Variants in PKN2 observed in about 807,000 individuals in gnomAD.
PKN2 encodes serine/threonine-protein kinase N2.
Under a neutral mutation model 119.1 loss-of-function variants are expected in PKN2, and 38 were observed. The observed-to-expected ratio is 0.32, with a 90% confidence interval of 0.25 to 0.42. The LOEUF is 0.42. Among genes scored for constraint, PKN2 ranks in the 10% least tolerant of loss-of-function variants. PKN2 has a pLI of 1.00. For synonymous variants in PKN2, 390 were observed against 384.9 expected (o/e 1.01, Z -0.15); for missense variants, 850 against 1,165.1 (o/e 0.73, Z 3.94).
chr1:88,760,296 C>A lies in PKN2; in HGVS notation c.424C>A (p.Gln142Lys), dbSNP rs1421789734. 2 of 1,564,054 alleles carry A rather than the reference C, an allele frequency of 1.3e-6. No individual in the cohort carries two copies. ...TAGCAACAATAGATTGAAGGCCTTACAAAAACAATTGGATATAGAACTTAA... is the reference window on the plus strand; with the variant it reads ...TAGCAACAATAGATTGAAGGCCTTAAAAAAACAATTGGATATAGAACTTAA... ...STSNNRLKAL[Q>K]KQLDIELKVK... The change falls in exon 3 of 22, where the codon CAA becomes AAA. Residue 142 changes from glutamine to lysine, a missense_variant. By Grantham distance (53) the Gln-to-Lys change is moderately conservative (BLOSUM62 1). Around this residue, in one of 9 missense-constraint regions of PKN2, gnomAD observed 350 missense variants for 511.1 expected, o/e 0.68. Coordinates refer to ENST00000370521, the MANE Select transcript of PKN2 (RefSeq NM_006256.4).
intron 3 of PKN2, among the ~76,000 whole-genome samples, chr1:88,766,099 C>T (rs969708138): frequency 6.6e-6 from 1 of 152,236 alleles, no homozygotes; most frequent in Non-Finnish European, 1.5e-5. Flanking sequence ...AGGCATGAGC[C>T]ACCATCCCTG....
chr1:88,821,522 C>G (rs1672290386), intron 16 of PKN2, among the ~76,000 whole-genome samples: 1 of 152,230 alleles, frequency 6.6e-6, no homozygotes, highest in African/African-American at 2.4e-5. Flanking sequence ...ATACACCCAT[C>G]CTTTACTTCA....
chr1:88,684,812 T>A, intron 1 of PKN2, 184 bp downstream of exon 1: 1 of 527,106 alleles, frequency 1.9e-6, no homozygotes, highest in Non-Finnish European at 3.3e-6. Flanking sequence ...AGCCGGACCC[T>A]CTCCCCCGCC....
rs1669892440 is a variant in PKN2, at chr1:88,771,476, T to A, written c.678T>A (p.Phe226Leu). 2 of 1,609,650 alleles carry A rather than the reference T, an allele frequency of 1.2e-6. No individual in the cohort carries two copies. The highest frequency in any genetic ancestry group is 1.7e-6 in the Non-Finnish European group (2 of 1,178,130). The stretch of plus-strand genomic sequence containing the variant: ...GGATGGAAGAATTAAGGCATCATTT[T>A]AGGATAGAGTTTGCAGTAGCAGAAG... ...ELRMEELRHH[F>L]RIEFAVAEGA... The change falls in exon 5 of 22, where the codon TTT becomes TTA. Residue 226 changes from phenylalanine (F) to leucine (L), a missense_variant. Phe to Leu is a conservative substitution (Grantham distance 22, BLOSUM62 0). Around this residue, in one of 9 missense-constraint regions of PKN2, gnomAD observed 350 missense variants for 511.1 expected, o/e 0.68. Transcript: ENST00000370521.
At chr1:88,752,203 T>TAA (rs1262835339) in intron 2 of PKN2, among the ~76,000 whole-genome samples, 2 of 152,158 alleles carry the variant, frequency 1.3e-5, no homozygotes, top group African/African-American at 4.8e-5. Flanking sequence ...ATTTCTTGAA[T>TAA]AGTTTCTTCA....
intron 6 of PKN2, among the ~76,000 whole-genome samples, chr1:88,783,045 A>G (rs1301869015): frequency 2.0e-5 from 3 of 152,118 alleles, no homozygotes; most frequent in Non-Finnish European, 4.4e-5. Context: ...TCTTCTGGAT[A>G]TTTTCTTCAG....
intron 3 of PKN2, among the ~76,000 whole-genome samples, chr1:88,763,921 A>AT (rs1669553073): frequency 6.6e-6 from 1 of 152,186 alleles, no homozygotes; most frequent in South Asian, 2.1e-4. Flanking sequence ...GGGATGATTA[A>AT]TTCAGTTTGG....
intron 8 of PKN2, among the ~76,000 whole-genome samples, chr1:88,789,536 G>A (rs532695085): frequency 5.4e-4 from 82 of 151,920 alleles, no homozygotes; most frequent in Admixed American, 9.8e-4. Context: ...AGTGGCAGAC[G>A]CCTGTAATCC....
intron 6 of PKN2, among the ~76,000 whole-genome samples, chr1:88,773,816 T>C (rs551854133): frequency 6.6e-6 from 1 of 152,200 alleles, no homozygotes; most frequent in African/African-American, 2.4e-5. Flanking sequence ...TTTAAAGTAA[T>C]TACAGACAGG....
At chr1:88,691,555 C>G (rs1666334210) in intron 1 of PKN2, among the ~76,000 whole-genome samples, 1 of 152,166 alleles carries the variant, frequency 6.6e-6, no homozygotes. Context: ...ACCTATCTGT[C>G]TGTCAATCAT....
chr1:88,691,727 T>TCC (rs1666341078), intron 1 of PKN2, among the ~76,000 whole-genome samples: 1 of 152,166 alleles, frequency 6.6e-6, no homozygotes, highest in African/African-American at 2.4e-5. Flanking sequence ...TATATAGTAG[T>TCC]CCCTCCTTAT....
At chr1:88,829,719 A>G (rs1358493612) in intron 19 of PKN2, among the ~76,000 whole-genome samples, 1 of 152,218 alleles carries the variant, frequency 6.6e-6, no homozygotes, top group Non-Finnish European at 1.5e-5. Flanking sequence ...CTGGAGATGC[A>G]AGAAAAATTA....
intron 1 of PKN2, among the ~76,000 whole-genome samples, chr1:88,715,382 G>C (rs1449913842): frequency 6.6e-6 from 1 of 152,158 alleles, no homozygotes; most frequent in Non-Finnish European, 1.5e-5. Context: ...ATTTGGCTGT[G>C]AATCCATCTG....
At chr1:88,748,509 A>G (rs1234471008) in intron 2 of PKN2, among the ~76,000 whole-genome samples, 1 of 152,250 alleles carries the variant, frequency 6.6e-6, no homozygotes, top group Non-Finnish European at 1.5e-5. Flanking sequence ...TGGTTTTCCA[A>G]TTTTTGGCAA....
intron 1 of PKN2, among the ~76,000 whole-genome samples, chr1:88,707,331 A>G (rs1016412639): frequency 1.3e-5 from 2 of 152,038 alleles, no homozygotes; most frequent in African/African-American, 4.8e-5. Flanking sequence ...ATATTCTTTT[A>G]CAAGTTTTTT....
intron 2 of PKN2, among the ~76,000 whole-genome samples, chr1:88,753,337 C>T (rs1255654882): frequency 6.6e-6 from 1 of 152,170 alleles, no homozygotes; most frequent in East Asian, 1.9e-4. Flanking sequence ...CACTTTTCTT[C>T]TTCCCAGAGT....
intron 1 of PKN2, among the ~76,000 whole-genome samples, chr1:88,730,709 G>A (rs1413510912): frequency 1.3e-5 from 2 of 152,120 alleles, no homozygotes; most frequent in Non-Finnish European, 2.9e-5. Context: ...TATTATGTAG[G>A]CACCCAGCAC....
intron 18 of PKN2, among the ~76,000 whole-genome samples, chr1:88,825,727 A>G (rs1244647810): frequency 6.6e-6 from 1 of 152,146 alleles, no homozygotes; most frequent in Non-Finnish European, 1.5e-5. Flanking sequence ...TCAACCTGCC[A>G]TGTAATTGCT....
At chr1:88,744,708 A>G in intron 2 of PKN2, among the ~76,000 whole-genome samples, 1 of 152,232 alleles carries the variant, frequency 6.6e-6, no homozygotes, top group Non-Finnish European at 1.5e-5. Flanking sequence ...GGCATGAGCC[A>G]TCCTGCCCGG....
Sources: gnomAD v4.1 joint callset for allele counts (sites outside exome capture counted in the v4.1 genomes callset) on GRCh38, gnomAD v4.1.1 for gene constraint, gnomAD v4.1.1 regional missense constraint, MANE v1.5 for transcripts, NCBI Gene and HGNC (gene_info 2026-07-23, HGNC 2026-07-21) for gene names.